Variants in CD302 observed in about 807,000 individuals in gnomAD.
CD302 encodes the protein CD302 molecule.
Under a neutral mutation model 26.5 loss-of-function variants are expected in CD302, and 23 were observed. The ratio of observed to expected loss-of-function variants is 0.87; its 90% CI spans 0.62 to 1.23. CD302 has a LOEUF of 1.23. CD302 is among the 50% of genes most tolerant of loss of function. The pLI, the probability that CD302 is intolerant of heterozygous loss-of-function variation, is 0.00. For missense variants in CD302, 290 were observed against 275.5 expected, an observed-to-expected ratio of 1.05 and a Z score of -0.37; for synonymous variants, 90 against 99.4, an observed-to-expected ratio of 0.91 and a Z score of 0.56.
Position 159,783,450 on chromosome 2 carries a change from C to T in CD302, c.87G>A (p.Trp29Ter). Residue 29 changes from tryptophan to a stop codon, truncating the protein, a stop_gained, in exon 2 of 6, where the codon TGG becomes TGA. Coordinates refer to ENST00000259053, the MANE Select transcript of CD302 (RefSeq NM_014880.5). LOFTEE classifies it high-confidence loss of function. ...AAVADCPSSTWIQFQDSCYIF... is the reference protein window; with the variant it reads ...AAVADCPSST ...TGTAACAACTGTCTTGGAACTGAATCCAAGTAGATGAAGGACAGTCTATGT... is the reference window on the plus strand; with the variant it reads ...TGTAACAACTGTCTTGGAACTGAATTCAAGTAGATGAAGGACAGTCTATGT... The T allele has an allele frequency of 6.2e-7, 1 of 1,608,508 alleles. No homozygotes were observed. The highest frequency in any genetic ancestry group is 8.5e-7 in the Non-Finnish European group (1 of 1,178,528).
chr2:159,774,159 T>C (rs1574484915), intron 5 of CD302, among the ~76,000 whole-genome samples: 1 of 152,046 alleles, frequency 6.6e-6, no homozygotes, highest in African/African-American at 2.4e-5. Context: ...TTCAGACGAC[T>C]GCTTCCTAGT....
At chr2:159,785,917 G>A (rs1574497312) in intron 1 of CD302, among the ~76,000 whole-genome samples, 1 of 152,240 alleles carries the variant, frequency 6.6e-6, no homozygotes, top group South Asian at 2.1e-4. Flanking sequence ...TTTTTATCTT[G>A]GTGGTGAGAC....
intron 1 of CD302, among the ~76,000 whole-genome samples, chr2:159,795,555 T>G (rs1708930184): frequency 6.6e-6 from 1 of 152,152 alleles, no homozygotes; most frequent in Non-Finnish European, 1.5e-5. Context: ...TTGGAAAAGA[T>G]AAAACATGGA....
chr2:159,772,074 G>C, intron 5 of CD302, 21 bp from the exon 6 acceptor site: 1 of 1,611,272 alleles, frequency 6.2e-7, no homozygotes, highest in Non-Finnish European at 8.5e-7. Context: ...AAAGACAAAA[G>C]AGTATTTGGG....
At chr2:159,796,926 G>A (rs1682441345) in intron 1 of CD302, among the ~76,000 whole-genome samples, 1 of 152,200 alleles carries the variant, frequency 6.6e-6, no homozygotes, top group Non-Finnish European at 1.5e-5. Context: ...CGCAAAATGA[G>A]GGTGTGCAGA....
chr2:159,797,070 G>T (rs532126866), intron 1 of CD302, among the ~76,000 whole-genome samples: 32 of 152,220 alleles, frequency 2.1e-4, no homozygotes, highest in Admixed American at 1.9e-3. Flanking sequence ...ATAAATGCAG[G>T]TCCACAGAAG....
At chr2:159,793,670 G>A (rs1708868480) in intron 1 of CD302, among the ~76,000 whole-genome samples, 1 of 152,164 alleles carries the variant, frequency 6.6e-6, no homozygotes, top group Admixed American at 6.5e-5. Flanking sequence ...ATGGAGGAGG[G>A]AGTGGCTGTT....
intron 1 of CD302, among the ~76,000 whole-genome samples, chr2:159,785,092 C>T (rs747703504): frequency 7.3e-5 from 11 of 151,344 alleles, no homozygotes; most frequent in Non-Finnish European, 1.2e-4. Flanking sequence ...CTTGTGCCTC[C>T]GCCTCCTGAG....
intron 5 of CD302, among the ~76,000 whole-genome samples, chr2:159,776,182 G>A (rs1388698543): frequency 1.3e-5 from 2 of 151,794 alleles, no homozygotes; most frequent in African/African-American, 4.8e-5. Flanking sequence ...TTAGCCTAAT[G>A]TCCTTCAGGT....
intron 5 of CD302, among the ~76,000 whole-genome samples, chr2:159,776,541 T>G (rs375005014): frequency 1.3e-5 from 2 of 152,126 alleles, no homozygotes; most frequent in East Asian, 1.9e-4. Flanking sequence ...TTGCTGCATA[T>G]CCACACTAAT....
At chr2:159,778,373 A>C (rs1295000269) in intron 4 of CD302, among the ~76,000 whole-genome samples, 2 of 152,238 alleles carry the variant, frequency 1.3e-5, no homozygotes, top group Non-Finnish European at 2.9e-5. Flanking sequence ...TTTAATTAAA[A>C]ACTTTGTTTA....
intron 2 of CD302, among the ~76,000 whole-genome samples, chr2:159,781,759 CTT>C (rs1708518967): frequency 6.6e-6 from 1 of 152,086 alleles, no homozygotes; most frequent in Non-Finnish European, 1.5e-5. Flanking sequence ...GAAATTTCGT[CTT>C]GTTTTCACAG....
intron 1 of CD302, among the ~76,000 whole-genome samples, chr2:159,785,245 G>C (rs1708636778): frequency 6.6e-6 from 1 of 152,098 alleles, no homozygotes; most frequent in Non-Finnish European, 1.5e-5. Context: ...GAAGTGCTGG[G>C]ATTACAAGTG....
chr2:159,779,286 A>G (rs1440126226), intron 4 of CD302, among the ~76,000 whole-genome samples: 1 of 146,404 alleles, frequency 6.8e-6, no homozygotes, highest in Non-Finnish European at 1.5e-5. Context: ...AAAACATTTT[A>G]ATTCCAAATA....
chr2:159,774,134 C>G (rs948929661), intron 5 of CD302, among the ~76,000 whole-genome samples: 2 of 151,846 alleles, frequency 1.3e-5, no homozygotes, highest in African/African-American at 4.8e-5. Flanking sequence ...CTTGGCTTCC[C>G]TGACTGCTCT....
At chr2:159,782,171 G>A (rs1708532586) in intron 2 of CD302, among the ~76,000 whole-genome samples, 1 of 152,022 alleles carries the variant, frequency 6.6e-6, no homozygotes, top group Non-Finnish European at 1.5e-5. Context: ...GGGAGGCTGA[G>A]GCAGGAGAAT....
chr2:159,788,261 A>G (rs918205808), intron 1 of CD302, among the ~76,000 whole-genome samples: 1 of 152,236 alleles, frequency 6.6e-6, no homozygotes, highest in South Asian at 2.1e-4. Flanking sequence ...ATGATAGACT[A>G]TATATGGCAG....
chr2:159,780,190 G>A lies in CD302; in HGVS notation c.296-12C>T. ...CTTGAAACTCGCATCTGTCAATTAA[G>A]GAATATTTTCAACATTATGACAGTT... On this transcript the variant is annotated splice_polypyrimidine_tract_variant and intron_variant, in intron 3 of 5. Coordinates refer to ENST00000259053, the MANE Select transcript of CD302 (RefSeq NM_014880.5). 2 of 1,611,818 alleles carry A rather than the reference G, an allele frequency of 1.2e-6. No individual in the cohort carries two copies. Among genetic ancestry groups the A allele is most frequent in the Non-Finnish European group, 1.7e-6 (2 of 1,178,764 alleles).
intron 1 of CD302, among the ~76,000 whole-genome samples, chr2:159,793,192 T>G (rs546882094): frequency 5.9e-5 from 9 of 152,332 alleles, no homozygotes; most frequent in African/African-American, 2.2e-4. Context: ...TGCACTTAAA[T>G]GACTCTTAGG....
Sources: allele counts gnomAD v4.1 joint callset (sites outside exome capture counted in the v4.1 genomes callset), GRCh38; gene constraint gnomAD v4.1.1; transcripts MANE v1.5; gene names NCBI Gene and HGNC (gene_info 2026-07-23, HGNC 2026-07-21).